The following MTMR8 variants were observed in gnomAD, a reference collection of about 807,000 sequenced individuals.
MTMR8 encodes the protein phosphatidylinositol-3,5-bisphosphate 3-phosphatase MTMR8.
In MTMR8, 65 loss-of-function variants were observed where a neutral mutation model predicts 39.3. The ratio of observed to expected loss-of-function variants is 1.65; its 90% confidence interval spans 1.35 to 2.03. MTMR8 has a LOEUF of 2.03. Ranked by LOEUF, MTMR8 falls within the 30% of genes most tolerant of loss-of-function variation. MTMR8 has a pLI of 0.00. For synonymous variants in MTMR8, 245 were observed against 185.2 expected (o/e 1.32, Z -2.62); for missense variants, 777 against 538.9 (o/e 1.44, Z -4.37).
intron 6 of MTMR8, among the ~76,000 whole-genome samples, chrX:64,346,511 G>T (rs1328473452): frequency 9.1e-6 from 1 of 110,264 alleles, no homozygotes; most frequent in Admixed American, 9.7e-5. Flanking sequence ...CTAGTAGCAA[G>T]GATGTTTGTT....
intron 12 of MTMR8, among the ~76,000 whole-genome samples, chrX:64,297,593 C>G (rs1297242611): frequency 2.2e-5 from 2 of 90,083 alleles, no homozygotes; most frequent in Non-Finnish European, 4.4e-5. Context: ...TAATTAGATC[C>G]CATTTGTCAA....
At chrX:64,294,735 A>G (rs1269946408) in intron 12 of MTMR8, among the ~76,000 whole-genome samples, 1 of 111,759 alleles carries the variant, frequency 8.9e-6, no homozygotes, top group African/African-American at 3.2e-5. Flanking sequence ...GTGTCCTCAC[A>G]TGACAGAAGG....
At chrX:64,300,202 T>C (rs1569213875) in intron 12 of MTMR8, among the ~76,000 whole-genome samples, 1 of 108,531 alleles carries the variant, frequency 9.2e-6, no homozygotes, top group Non-Finnish European at 1.9e-5. Flanking sequence ...CCATTATTAA[T>C]GTGTGGGAGT....
intron 1 of MTMR8, among the ~76,000 whole-genome samples, chrX:64,379,741 G>A (rs1924361925): frequency 9.0e-6 from 1 of 111,475 alleles, no homozygotes; most frequent in Admixed American, 9.5e-5. Context: ...CTGAGGTTAG[G>A]ACTTCAACAT....
intron 12 of MTMR8, among the ~76,000 whole-genome samples, chrX:64,284,948 C>A (rs774825086): frequency 9.0e-6 from 1 of 111,671 alleles, no homozygotes; most frequent in African/African-American, 3.3e-5. Context: ...AACATCATAA[C>A]GACAGGATCA....
chrX:64,374,078 C>A (rs1218275134), intron 1 of MTMR8, among the ~76,000 whole-genome samples: 1 of 111,292 alleles, frequency 9.0e-6, no homozygotes, highest in Non-Finnish European at 1.9e-5. Context: ...CTAAACCATC[C>A]CATGGGAAAT....
intron 1 of MTMR8, among the ~76,000 whole-genome samples, chrX:64,374,516 CAG>C (rs1160331116): frequency 9.0e-6 from 1 of 111,579 alleles, no homozygotes; most frequent in Non-Finnish European, 1.9e-5. Flanking sequence ...AAAGGACTAA[CAG>C]AGTTAGTGCT....
rs751399962 is a variant in MTMR8, at chrX:64,304,860, T to TTATATATATA, written c.1481+23902_1481+23911dup. On this transcript the variant is annotated intron_variant, in intron 12 of 13. Transcript: ENST00000374852. Reference sequence around the variant, plus strand: ...GAGCTAAGCTTGATGGATCAAACATTTATATATATATATATATATATATAT... The same window carrying TTATATATATA: ...GAGCTAAGCTTGATGGATCAAACATTTATATATATATATATATATATATATATATATATAT... 1.1e-3 allele frequency among the ~76,000 whole-genome samples: 32 copies of TTATATATATA among 28,574 alleles called. 1 individual carries two copies. Among genetic ancestry groups the TTATATATATA allele is most frequent in the South Asian group, 5.5e-3 (1 of 182 alleles). 24.8% of individuals were successfully genotyped at this position (28,574 alleles called of 115,157 possible). A position where few individuals can be genotyped will look rare whatever the true frequency, so the allele number is the denominator to read the frequency against.
intron 12 of MTMR8, among the ~76,000 whole-genome samples, chrX:64,307,518 CGGCT>C (rs1569216378): frequency 9.0e-6 from 1 of 111,326 alleles, no homozygotes; most frequent in African/African-American, 3.3e-5. Context: ...CTGTGCAGGT[CGGCT>C]TTTGGGTTCT....
chrX:64,388,884 A>AT lies in MTMR8; in HGVS notation c.24+6455dup, dbSNP rs749043296. Among the ~76,000 whole-genome samples the AT allele has an allele frequency of 1.4e-4, 16 of 111,904 alleles. No individual in the cohort carries two copies. The South Asian group carries it at 6.0e-3, about 42-fold the overall frequency. Reference sequence around the variant, plus strand: ...TGTTAATATATTTTACCTTAGAATCATTTTTTTAAAACAAATTATCTTGTG... The same window carrying AT: ...TGTTAATATATTTTACCTTAGAATCATTTTTTTTAAAACAAATTATCTTGTG... On this transcript the variant is annotated intron_variant, in intron 1 of 13. Coordinates refer to ENST00000374852, the MANE Select transcript of MTMR8 (RefSeq NM_017677.4).
Position 64,268,496 on chromosome X carries a change from G to C in MTMR8, c.*41C>G. The C allele has an allele frequency of 3.9e-5, 45 of 1,157,982 alleles. No homozygotes were observed. Among genetic ancestry groups the C allele is most frequent in the Non-Finnish European group, 5.1e-5 (44 of 869,856 alleles). On this transcript the variant is annotated 3_prime_UTR_variant, in exon 14 of 14. Coordinates refer to ENST00000374852, the MANE Select transcript of MTMR8 (RefSeq NM_017677.4). ...CCTCTCTGGGACAAGAATCATTGTA[G>C]CTGCTGTAGGTATACCTAGCATGGA...
intron 1 of MTMR8, among the ~76,000 whole-genome samples, chrX:64,378,671 C>A (rs1258092205): frequency 3.6e-5 from 4 of 112,252 alleles, no homozygotes; most frequent in Non-Finnish European, 5.6e-5. Flanking sequence ...ACATCTATAG[C>A]ATTGAATGCA....
Position 64,325,654 on chromosome X carries a change from C to T in MTMR8, c.1481+3118G>A, listed in dbSNP as rs185100100. The stretch of plus-strand genomic sequence containing the variant: ...TATGTACCTCACTACAAATAAAAGC[C>T]ACATATGACAAACCCACAGCTAACA... On this transcript the variant is annotated intron_variant, in intron 12 of 13. Transcript: ENST00000374852. 2.1e-3 allele frequency among the ~76,000 whole-genome samples: 234 copies of T among 111,947 alleles called. 1 individual carries two copies. Among genetic ancestry groups the T allele is most frequent in the African/African-American group, 7.1e-3 (220 of 30,822 alleles).
intron 12 of MTMR8, among the ~76,000 whole-genome samples, chrX:64,274,400 T>A (rs1397310908): frequency 1.8e-5 from 2 of 112,084 alleles, no homozygotes; most frequent in African/African-American, 6.5e-5. Context: ...TTGGAAAGTA[T>A]CTTGAAACAA....
chrX:64,288,038 A>AAAAAAAAAAAAAAAAAAAAAAAAAAAC (rs1569210594), intron 12 of MTMR8, among the ~76,000 whole-genome samples: 1 of 80,854 alleles, frequency 1.2e-5, no homozygotes, highest in Non-Finnish European at 2.4e-5. Flanking sequence ...AAAAAAAAAA[A>AAAAAAAAAAAAAAAAAAAAAAAAAAAC]AAAAAAAAAA....
At chrX:64,279,933 T>A (rs1490369491) in intron 12 of MTMR8, among the ~76,000 whole-genome samples, 2 of 111,775 alleles carry the variant, frequency 1.8e-5, no homozygotes, top group Non-Finnish European at 3.8e-5. Flanking sequence ...TATATCCACA[T>A]GCAAAAGAAT....
intron 12 of MTMR8, among the ~76,000 whole-genome samples, chrX:64,280,137 C>T (rs1315829480): frequency 8.9e-6 from 1 of 111,931 alleles, no homozygotes; most frequent in African/African-American, 3.2e-5. Flanking sequence ...GAAATGGTAC[C>T]ATTCCTTCTG....
chrX:64,315,387 G>A (rs774591190), intron 12 of MTMR8, among the ~76,000 whole-genome samples: 1 of 111,642 alleles, frequency 9.0e-6, no homozygotes, highest in East Asian at 2.9e-4. Context: ...CCTACTCTCA[G>A]TGCCTTCCCT....
chrX:64,280,367 A>C (rs1382360059), intron 12 of MTMR8, among the ~76,000 whole-genome samples: 1 of 112,125 alleles, frequency 8.9e-6, no homozygotes, highest in African/African-American at 3.2e-5. Flanking sequence ...AGTCGGCTTC[A>C]TCTCTGGGAG....
Sources: allele counts gnomAD v4.1 joint callset (sites outside exome capture counted in the v4.1 genomes callset), GRCh38; gene constraint gnomAD v4.1.1; transcripts MANE v1.5; gene names NCBI Gene and HGNC (gene_info 2026-07-23, HGNC 2026-07-21).